The following ADGRL2 variants were observed in gnomAD, a reference collection of about 807,000 sequenced individuals.
ADGRL2 encodes calcium-independent alpha-latrotoxin receptor 2.
ADGRL2 carries 44 observed loss-of-function variants against 157.4 expected under a neutral mutation model. The observed-to-expected ratio is 0.28, with a 90% CI of 0.22 to 0.36. The LOEUF (loss-of-function observed/expected upper bound fraction) is 0.36. ADGRL2 is among the 10% of genes least tolerant of loss of function. The pLI is 1.00. For synonymous variants in ADGRL2, 585 were observed against 624.7 expected (o/e 0.94, Z 0.95); for missense variants, 1,510 against 1,768.9 (o/e 0.85, Z 2.63).
chr1:81,433,484 T>C (rs1441067696), intron 1 of ADGRL2, among the ~76,000 whole-genome samples: 1 of 152,132 alleles, frequency 6.6e-6, no homozygotes, highest in Non-Finnish European at 1.5e-5. Flanking sequence ...AAATGTGAAC[T>C]AGTCAGCAAC....
intron 2 of ADGRL2, among the ~76,000 whole-genome samples, chr1:81,861,993 T>C (rs2093404456): frequency 6.6e-6 from 1 of 152,208 alleles, no homozygotes; most frequent in African/African-American, 2.4e-5. Context: ...TTTTGTTAAT[T>C]ACATCCGTCT....
intron 1 of ADGRL2, among the ~76,000 whole-genome samples, chr1:81,737,672 G>T (rs953469072): frequency 6.6e-6 from 1 of 152,108 alleles, no homozygotes; most frequent in Non-Finnish European, 1.5e-5. Context: ...TAAGGTCAGG[G>T]TATATGTTTA....
chr1:81,485,388 A>AT (rs1328695708), intron 2 of ADGRL2, among the ~76,000 whole-genome samples: 1 of 152,106 alleles, frequency 6.6e-6, no homozygotes, highest in African/African-American at 2.4e-5. Flanking sequence ...ATTTTGAGTG[A>AT]TTTTTTGAAC....
intron 3 of ADGRL2, among the ~76,000 whole-genome samples, chr1:81,616,674 C>CTTTTTTTTTTTTTTTTTT (rs1393879384): frequency 1.9e-5 from 1 of 51,868 alleles, no homozygotes; most frequent in African/African-American, 6.7e-5. Context: ...CTTTTCTTTT[C>CTTTTTTTTTTTTTTTTTT]TTTTCTTTTT....
At chr1:81,676,613 G>A (rs1357988910) in intron 3 of ADGRL2, among the ~76,000 whole-genome samples, 1 of 151,428 alleles carries the variant, frequency 6.6e-6, no homozygotes, top group Non-Finnish European at 1.5e-5. Flanking sequence ...GATTAACAAG[G>A]TTTTAAGGGG....
chr1:81,977,294 C>T (rs1660434350), intron 17 of ADGRL2, among the ~76,000 whole-genome samples: 1 of 151,740 alleles, frequency 6.6e-6, no homozygotes, highest in African/African-American at 2.4e-5. Flanking sequence ...ACATTAAACA[C>T]ATGTAATGTC....
intron 3 of ADGRL2, among the ~76,000 whole-genome samples, chr1:81,584,720 A>G (rs1181622608): frequency 6.6e-6 from 1 of 152,174 alleles, no homozygotes; most frequent in African/African-American, 2.4e-5. Context: ...AGTTGGCAAT[A>G]CAAATTCTGG....
At chr1:81,525,643 G>A (rs2079437418) in intron 2 of ADGRL2, among the ~76,000 whole-genome samples, 1 of 152,142 alleles carries the variant, frequency 6.6e-6, no homozygotes, top group Non-Finnish European at 1.5e-5. Flanking sequence ...CTGACATAGT[G>A]TATAAAATGT....
intron 11 of ADGRL2, among the ~76,000 whole-genome samples, chr1:81,965,287 G>A (rs1330284122): frequency 6.6e-6 from 1 of 152,176 alleles, no homozygotes; most frequent in African/African-American, 2.4e-5. Flanking sequence ...TTGTAGCACT[G>A]AAGAAGCCAT....
rs147562518 is a variant in ADGRL2 at position 81,966,283 on chromosome 1, T to C, written c.2143+100T>C. 50 of 1,544,120 alleles carry C rather than the reference T, an allele frequency of 3.2e-5. No homozygotes were observed. In the African/African-American group the frequency reaches 6.8e-4, roughly 21 times the overall value. The stretch of plus-strand genomic sequence containing the variant: ...AGTCCTTATATAACAAAAAAACGGC[T>C]TACCATTTAAAAGCAGATATAAAAC... On this transcript the variant is annotated intron_variant, in intron 12 of 23. Transcript: ENST00000686636.
chr1:81,956,135 ATC>A, intron 11 of ADGRL2, 75 bp downstream of exon 11: 1 of 1,145,442 alleles, frequency 8.7e-7, no homozygotes, highest in Non-Finnish European at 1.2e-6. Flanking sequence ...TCCATTCTGT[ATC>A]TGTTATTTCC....
At chr1:81,425,054 G>A (rs1266220012) in intron 1 of ADGRL2, among the ~76,000 whole-genome samples, 1 of 152,268 alleles carries the variant, frequency 6.6e-6, no homozygotes, top group African/African-American at 2.4e-5. Flanking sequence ...AGAATATGAT[G>A]GATTCATCAG....
chr1:81,851,282 C>A (rs916015124), intron 2 of ADGRL2, among the ~76,000 whole-genome samples: 1 of 151,918 alleles, frequency 6.6e-6, no homozygotes, highest in Non-Finnish European at 1.5e-5. Context: ...GTTGGCTTCT[C>A]TTCCCTAAAT....
intron 3 of ADGRL2, among the ~76,000 whole-genome samples, chr1:81,675,972 C>T (rs2082979708): frequency 6.6e-6 from 1 of 152,078 alleles, no homozygotes. Context: ...TGTTTTGATT[C>T]AAAAACCCAT....
At position 81,946,842 on chromosome 1, in the gene ADGRL2, C is replaced by A. The variant is rs61773961; in HGVS notation, c.1210+3073C>A. 5.1e-3 allele frequency among the ~76,000 whole-genome samples: 777 copies of A among 152,204 alleles called. 3 individuals carry two copies. The highest frequency in any genetic ancestry group is 5.7e-3 in the Non-Finnish European group (386 of 68,006). Reference sequence around the variant, plus strand: ...ACCAAGCTACAGAAACTCTAGAGTTCATTTCGTGAACAGTGGGTGAGGGTG... The same window carrying A: ...ACCAAGCTACAGAAACTCTAGAGTTAATTTCGTGAACAGTGGGTGAGGGTG... On this transcript the variant is annotated intron_variant, in intron 6 of 23. Transcript: ENST00000686636.
chr1:81,467,252 G>A (rs2078076185), intron 2 of ADGRL2, among the ~76,000 whole-genome samples: 4 of 152,110 alleles, frequency 2.6e-5, no homozygotes, highest in South Asian at 2.1e-4. Flanking sequence ...GAGAATTAAT[G>A]AGAAATATCT....
intron 18 of ADGRL2, chr1:81,980,648 A>G (rs1382146921): frequency 1.1e-5 from 5 of 442,168 alleles, no homozygotes; most frequent in Non-Finnish European, 2.1e-5. Context: ...TGGCAGATCT[A>G]TAGTAAGGGT....
intron 1 of ADGRL2, among the ~76,000 whole-genome samples, chr1:81,372,146 G>A (rs1397824213): frequency 1.3e-5 from 2 of 152,178 alleles, no homozygotes; most frequent in African/African-American, 2.4e-5. Flanking sequence ...AGTCTGCAAT[G>A]TCGGTAGAAC....
Position 81,611,991 on chromosome 1 carries a change from G to A in ADGRL2, c.-143+31011G>A, listed in dbSNP as rs558675938. On this transcript the variant is annotated intron_variant, in intron 3 of 24. Transcript: ENST00000370721. ...ATAAGATGTGCCTTTCTTCCCCTTC[G>A]CCTCCTGCCATGATTGTAAGTTTCC... 7.6e-4 allele frequency among the ~76,000 whole-genome samples: 116 copies of A among 151,926 alleles called. 1 individual carries two copies. The highest frequency in any genetic ancestry group is 2.3e-3 in the African/African-American group (95 of 41,442).
Sources: allele counts gnomAD v4.1 joint callset (sites outside exome capture counted in the v4.1 genomes callset), GRCh38; gene constraint gnomAD v4.1.1; transcripts MANE v1.5; gene names NCBI Gene and HGNC (gene_info 2026-07-23, HGNC 2026-07-21).